The following MAD2L1BP variants were observed in gnomAD, a reference collection of about 807,000 sequenced individuals.
MAD2L1BP encodes the protein MAD2L1-binding protein.
Under a neutral mutation model 28.4 loss-of-function variants are expected in MAD2L1BP, and 22 were observed. That is an observed-to-expected ratio of 0.77 (90% CI 0.55 to 1.10). MAD2L1BP has a LOEUF of 1.10. MAD2L1BP is among the 50% of genes least tolerant of loss of function. The probability of loss-of-function intolerance (pLI) is 0.00; values close to 1 mark genes in which losing one functional copy is unlikely to be tolerated. For missense variants in MAD2L1BP, 325 were observed against 350.5 expected, an observed-to-expected ratio of 0.93 and a Z score of 0.58; for synonymous variants, 146 against 133.7, an observed-to-expected ratio of 1.09 and a Z score of -0.63.
upstream of MAD2L1BP, among the ~76,000 whole-genome samples, chr6:43,631,267 A>G (rs1769914889): frequency 6.6e-6 from 1 of 152,198 alleles, no homozygotes; most frequent in South Asian, 2.1e-4. Context: ...GTAGAGGTCA[A>G]TGCTAGCCAG....
upstream of MAD2L1BP, among the ~76,000 whole-genome samples, chr6:43,631,725 A>G (rs918309866): frequency 1.3e-5 from 2 of 152,152 alleles, no homozygotes; most frequent in Non-Finnish European, 2.9e-5. Context: ...GGCTCAAGCA[A>G]TCCTCTTGCC....
chr6:43,640,276 C>T lies in MAD2L1BP; in HGVS notation c.568C>T (p.Leu190Phe). The T allele has an allele frequency of 6.2e-7, 1 of 1,613,488 alleles. No individual in the cohort carries two copies. The highest frequency in any genetic ancestry group is 8.5e-7 in the Non-Finnish European group (1 of 1,179,784). ...SLSTAACLRR[L>F]FRAIFMADAF... Reference sequence around the variant, plus strand: ...GAGCACAGCAGCTTGTTTGCGCCGTCTCTTCCGAGCCATATTCATGGCTGA... The same window carrying T: ...GAGCACAGCAGCTTGTTTGCGCCGTTTCTTCCGAGCCATATTCATGGCTGA... The change falls in exon 3 of 3, where the codon CTC (leucine) becomes TTC (phenylalanine). Residue 190 changes from leucine to phenylalanine, a missense_variant. Transcript: ENST00000372171.
chr6:43,635,160 T>A (rs1471448476), upstream of MAD2L1BP, among the ~76,000 whole-genome samples: 1 of 152,252 alleles, frequency 6.6e-6, no homozygotes, highest in African/African-American at 2.4e-5. Context: ...CTTCCCCATC[T>A]GCCTACAGGA....
upstream of MAD2L1BP, among the ~76,000 whole-genome samples, chr6:43,632,421 C>G (rs1769977286): frequency 6.6e-6 from 1 of 151,766 alleles, no homozygotes; most frequent in East Asian, 1.9e-4. Flanking sequence ...CCATGCCTGG[C>G]TAAGTTTTGT....
In MAD2L1BP at chr6:43,640,689, G is replaced by A. The variant is rs1770513252; in HGVS notation, c.*156G>A. The A allele has an allele frequency of 1.4e-6, 1 of 696,152 alleles. No individual in the cohort carries two copies. The highest frequency in any genetic ancestry group is 3.2e-5 in the Admixed American group (1 of 31,202). 43.1% of individuals were successfully genotyped at this position (696,152 alleles called of 1,614,324 possible). On this transcript the variant is annotated 3_prime_UTR_variant, in exon 3 of 3. Coordinates refer to ENST00000372171, the MANE Select transcript of MAD2L1BP (RefSeq NM_014628.3). ...TGCCTCCCCTCAGATTTCCTGATAG[G>A]CTGATGGCATGTGGCTGTGACTGTG...
chr6:43,632,282 G>A (rs1426351836), upstream of MAD2L1BP, among the ~76,000 whole-genome samples: 2 of 130,236 alleles, frequency 1.5e-5, no homozygotes, highest in African/African-American at 6.2e-5. Flanking sequence ...TTTTTTTTTA[G>A]GTAGGGTCTC....
upstream of MAD2L1BP, among the ~76,000 whole-genome samples, chr6:43,632,902 A>C (rs2127856619): frequency 6.6e-6 from 1 of 151,968 alleles, no homozygotes; most frequent in Admixed American, 6.6e-5. Flanking sequence ...GGCACCTGTA[A>C]TCCCAGCTAC....
chr6:43,632,505 C>A (rs1582361828), upstream of MAD2L1BP, among the ~76,000 whole-genome samples: 1 of 151,394 alleles, frequency 6.6e-6, no homozygotes, highest in East Asian at 2.0e-4. Context: ...AGTTCTCCCA[C>A]CTTGGCCTCC....
Position 43,636,391 on chromosome 6 carries a change from G to C in MAD2L1BP, c.57G>C (p.Trp19Cys). Residue 19 changes from tryptophan to cysteine, a missense_variant, in exon 2 of 3, where the codon TGG (tryptophan) becomes TGC (cysteine). Trp to Cys is a radical substitution (Grantham distance 215, BLOSUM62 -2). Coordinates refer to ENST00000372171, the MANE Select transcript of MAD2L1BP (RefSeq NM_014628.3). ...CTTTTCATCTACCAGATTTGGAGTG[G>C]TATGAGAAGTCCGAAGAAACTCACG... is the stretch of plus-strand genomic sequence containing the variant. ...LSSAAVPDLEWYEKSEETHAS... is the reference protein window; with the variant it reads ...LSSAAVPDLECYEKSEETHAS... 2 of 1,614,076 alleles carry C rather than the reference G, an allele frequency of 1.2e-6. No homozygotes were observed. The highest frequency in any genetic ancestry group is 1.1e-5 in the South Asian group (1 of 91,080).
chr6:43,634,314 G>A (rs1770083503), upstream of MAD2L1BP, among the ~76,000 whole-genome samples: 1 of 144,132 alleles, frequency 6.9e-6, no homozygotes, highest in South Asian at 2.1e-4. Flanking sequence ...TCGAACTCCT[G>A]GACTCAAGCA....
rs1254442618 is a variant in MAD2L1BP at position 43,636,564 on chromosome 6, T to G, written c.230T>G (p.Leu77Arg). The change falls in exon 2 of 3, where the codon CTA (leucine) becomes CGA (arginine). Residue 77 changes from leucine to arginine, a missense_variant. Transcript: ENST00000372171. ...TGCTGTCAGTTTACTTGTGAACTTC[T>G]AAAGCATATCATGTATCAACGCCAG... is the stretch of plus-strand genomic sequence containing the variant. ...EGCCQFTCELLKHIMYQRQQL... is the reference protein window; with the variant it reads ...EGCCQFTCELRKHIMYQRQQL... 6.2e-7 allele frequency: 1 copy of G among 1,614,116 alleles called. No individual in the cohort carries two copies. The highest frequency in any genetic ancestry group is 8.5e-7 in the Non-Finnish European group (1 of 1,180,038).
chr6:43,636,043 C>G, intron 1 of MAD2L1BP, 122 bp downstream of exon 1: 1 of 1,021,194 alleles, frequency 9.8e-7, no homozygotes, highest in Non-Finnish European at 1.5e-6. Flanking sequence ...TTCCGGGTGT[C>G]CTACACGGCT....
Position 43,636,439 on chromosome 6 carries a change from G to A in MAD2L1BP, c.105G>A (p.Glu35=). ...ETHASQIELL[E]TSSTQEPLNA... ...ACGCCTCCCAGATAGAACTACTTGA[G>A]ACAAGCTCTACGCAGGAACCTCTCA... The change falls in exon 2 of 3, where the codon GAG becomes GAA. Residue 35 remains glutamate, a synonymous_variant. Coordinates refer to ENST00000372171, the MANE Select transcript of MAD2L1BP (RefSeq NM_014628.3). 2 of 1,614,190 alleles carry A rather than the reference G, an allele frequency of 1.2e-6. No individual in the cohort carries two copies. Among genetic ancestry groups the A allele is most frequent in the Non-Finnish European group, 1.7e-6 (2 of 1,180,030 alleles).
chr6:43,629,873 T>C lies in MAD2L1BP; in HGVS notation c.20+104T>C. 5 of 1,388,196 alleles carry C rather than the reference T, an allele frequency of 3.6e-6. No individual in the cohort carries two copies. In the South Asian group the frequency reaches 6.8e-5, roughly 19 times the overall value. 86.0% of individuals were successfully genotyped at this position (1,388,196 alleles called of 1,614,324 possible). A position where few individuals can be genotyped will look rare whatever the true frequency, so the allele number is the denominator to read the frequency against. On this transcript the variant is annotated intron_variant, in intron 1 of 3. Coordinates refer to the MAD2L1BP transcript ENST00000451025. Reference sequence around the variant, plus strand: ...TACCTTTACATAGTAGTCACTGCTTTATTACCAGGCTGGCACCGTCCAGGG... The same window carrying C: ...TACCTTTACATAGTAGTCACTGCTTCATTACCAGGCTGGCACCGTCCAGGG...
At chr6:43,633,153 CA>C (rs748369892), upstream of MAD2L1BP, 2 of 426,456 alleles carry the variant, frequency 4.7e-6, no homozygotes, top group South Asian at 3.4e-5. Flanking sequence ...CAGTCAGACC[CA>C]GTATTTTAAT....
At chr6:43,635,246 T>C (rs770971288), upstream of MAD2L1BP, among the ~76,000 whole-genome samples, 1 of 152,200 alleles carries the variant, frequency 6.6e-6, no homozygotes, top group Non-Finnish European at 1.5e-5. Flanking sequence ...GCCTTAACTC[T>C]TTATAATATG....
At chr6:43,635,566 A>G (rs763463392), upstream of MAD2L1BP, among the ~76,000 whole-genome samples, 2 of 152,246 alleles carry the variant, frequency 1.3e-5, no homozygotes, top group African/African-American at 2.4e-5. Context: ...GCCTGGCACG[A>G]AGTAGGTGCA....
At position 43,635,850 on chromosome 6, in the gene MAD2L1BP, C is replaced by T. The variant is rs372661006; in HGVS notation, c.-26C>T. ...CCCCGCGAGACCTTTATTCTAACCGCAAGGAGTAGCGGAGGGGAGGTCGTG... is the reference window on the plus strand; with the variant it reads ...CCCCGCGAGACCTTTATTCTAACCGTAAGGAGTAGCGGAGGGGAGGTCGTG... On this transcript the variant is annotated 5_prime_UTR_variant, in exon 1 of 3. Transcript: ENST00000372171. 1.9e-5 allele frequency: 28 copies of T among 1,467,004 alleles called. No individual in the cohort carries two copies. The highest frequency in any genetic ancestry group is 2.3e-5 in the Non-Finnish European group (26 of 1,114,630). The allele number at this position is 1,467,004 out of a possible 1,614,324, so 90.9% of individuals were successfully genotyped here. A position where few individuals can be genotyped will look rare whatever the true frequency, so the allele number is the denominator to read the frequency against.
At chr6:43,634,753 G>A (rs372411124), upstream of MAD2L1BP, among the ~76,000 whole-genome samples, 6 of 152,066 alleles carry the variant, frequency 3.9e-5, no homozygotes, top group Non-Finnish European at 8.8e-5. Context: ...TAGAGACAGC[G>A]TTTCACCATG....
Sources: allele counts gnomAD v4.1 joint callset (sites outside exome capture counted in the v4.1 genomes callset), GRCh38; gene constraint gnomAD v4.1.1; transcripts MANE v1.5; gene names NCBI Gene and HGNC (gene_info 2026-07-23, HGNC 2026-07-21).